Variants in KCNB2 observed in about 807,000 individuals in gnomAD.
KCNB2 encodes potassium voltage-gated channel subfamily B member 2, also known as delayed rectifier potassium channel protein.
A neutral mutation model predicts 61.5 loss-of-function variants in KCNB2; 15 were observed. The observed-to-expected ratio is 0.24, with a 90% CI of 0.16 to 0.38. KCNB2 has a LOEUF of 0.38. KCNB2 is among the 10% of genes least tolerant of loss of function. The pLI, the probability that KCNB2 is intolerant of heterozygous loss-of-function variation, is 1.00. For missense variants in KCNB2, 828 were observed against 1,125.2 expected, an observed-to-expected ratio of 0.74 and a Z score of 3.78; for synonymous variants, 457 against 446.0, an observed-to-expected ratio of 1.02 and a Z score of -0.31.
intron 2 of KCNB2, among the ~76,000 whole-genome samples, chr8:72,679,249 A>G (rs1459120629): frequency 6.6e-6 from 1 of 152,240 alleles, no homozygotes; most frequent in Non-Finnish European, 1.5e-5. Flanking sequence ...AGTAAACGCA[A>G]CATCCAACTT....
At chr8:72,539,204 T>C (rs1301109870) in intron 1 of KCNB2, among the ~76,000 whole-genome samples, 1 of 152,184 alleles carries the variant, frequency 6.6e-6, no homozygotes, top group African/African-American at 2.4e-5. Flanking sequence ...GTTTAGTAAT[T>C]TGGCACATTA....
intron 2 of KCNB2, among the ~76,000 whole-genome samples, chr8:72,584,662 A>G (rs1248976123): frequency 6.6e-6 from 1 of 152,188 alleles, no homozygotes; most frequent in East Asian, 1.9e-4. Context: ...GTATCAGGAA[A>G]ACCACAGCAA....
intron 2 of KCNB2, among the ~76,000 whole-genome samples, chr8:72,632,147 A>T (rs1805891585): frequency 6.6e-6 from 1 of 152,018 alleles, no homozygotes; most frequent in Non-Finnish European, 1.5e-5. Context: ...TTGAGAAGCT[A>T]AGGTGGGAGG....
intron 2 of KCNB2, among the ~76,000 whole-genome samples, chr8:72,933,104 T>C (rs1271541476): frequency 1.3e-5 from 2 of 152,228 alleles, no homozygotes; most frequent in African/African-American, 2.4e-5. Flanking sequence ...CTTAAGGGCT[T>C]GAATGATTAG....
At chr8:72,626,658 G>A (rs1453252840) in intron 2 of KCNB2, among the ~76,000 whole-genome samples, 1 of 152,198 alleles carries the variant, frequency 6.6e-6, no homozygotes, top group Non-Finnish European at 1.5e-5. Context: ...CTAAACCTTA[G>A]AAAGCCTAAG....
chr8:72,673,281 C>G (rs572374647), intron 2 of KCNB2, among the ~76,000 whole-genome samples: 1 of 152,092 alleles, frequency 6.6e-6, no homozygotes, highest in African/African-American at 2.4e-5. Flanking sequence ...TGGGAGGGAC[C>G]GGGTGGAGAT....
At chr8:72,562,734 T>G (rs550663963) in intron 1 of KCNB2, among the ~76,000 whole-genome samples, 2 of 152,342 alleles carry the variant, frequency 1.3e-5, no homozygotes, top group South Asian at 4.1e-4. Flanking sequence ...CATTTTATAT[T>G]ATACTTATAT....
intron 1 of KCNB2, among the ~76,000 whole-genome samples, chr8:72,548,175 A>G (rs1303829151): frequency 1.3e-5 from 2 of 152,212 alleles, no homozygotes; most frequent in African/African-American, 2.4e-5. Context: ...TTACCTTTAC[A>G]TGCACTGGGA....
At chr8:72,562,068 A>T (rs1030868887) in intron 1 of KCNB2, among the ~76,000 whole-genome samples, 4 of 151,952 alleles carry the variant, frequency 2.6e-5, no homozygotes, top group African/African-American at 4.8e-5. Context: ...GGAGTGATAC[A>T]GACTTAAAGG....
chr8:72,783,433 C>A (rs1479602455), intron 2 of KCNB2, among the ~76,000 whole-genome samples: 1 of 152,146 alleles, frequency 6.6e-6, no homozygotes, highest in Non-Finnish European at 1.5e-5. Context: ...ATCTCTCAGG[C>A]CCTTGAGTAT....
intron 2 of KCNB2, among the ~76,000 whole-genome samples, chr8:72,700,214 A>T (rs1253106307): frequency 6.6e-6 from 1 of 152,092 alleles, no homozygotes; most frequent in Non-Finnish European, 1.5e-5. Context: ...GGGCAAGGGG[A>T]GGGAGACCAT....
At chr8:72,636,728 A>G (rs772285313) in intron 2 of KCNB2, among the ~76,000 whole-genome samples, 6 of 152,172 alleles carry the variant, frequency 3.9e-5, no homozygotes, top group Non-Finnish European at 7.4e-5. Flanking sequence ...TTTTCTCTAC[A>G]TCAAGTCAAA....
chr8:72,804,432 A>T (rs1174238367), intron 2 of KCNB2, among the ~76,000 whole-genome samples: 1 of 152,206 alleles, frequency 6.6e-6, no homozygotes, highest in Non-Finnish European at 1.5e-5. Flanking sequence ...TGGAAATAGG[A>T]TCACAATGGG....
At chr8:72,702,103 C>A (rs1447066240) in intron 2 of KCNB2, among the ~76,000 whole-genome samples, 1 of 152,134 alleles carries the variant, frequency 6.6e-6, no homozygotes, top group African/African-American at 2.4e-5. Context: ...TCATCTTCAT[C>A]TCTGTCACTG....
chr8:72,908,120 T>C (rs1266576026), intron 2 of KCNB2, among the ~76,000 whole-genome samples: 2 of 152,194 alleles, frequency 1.3e-5, no homozygotes, highest in African/African-American at 4.8e-5. Flanking sequence ...TGCCTGATTC[T>C]TTCAGCAGAT....
In KCNB2 at chr8:72,616,571, C is replaced by T. The variant is rs1267542840; in HGVS notation, c.579+48258C>T. 2.0e-5 allele frequency among the ~76,000 whole-genome samples: 3 copies of T among 152,200 alleles called. No homozygotes were observed. In the East Asian group the frequency reaches 5.8e-4, roughly 29 times the overall value. ...TCAAACTACCCCATGCAAAGGAACC[C>T]CTTTCATCTCTATCACTTTATTTGG... is the stretch of plus-strand genomic sequence containing the variant. On this transcript the variant is annotated intron_variant, in intron 2 of 2. Coordinates refer to ENST00000523207, the MANE Select transcript of KCNB2 (RefSeq NM_004770.3).
chr8:72,575,705 C>T (rs1292902129), intron 2 of KCNB2, among the ~76,000 whole-genome samples: 1 of 151,984 alleles, frequency 6.6e-6, no homozygotes, highest in Non-Finnish European at 1.5e-5. Flanking sequence ...AGAGGCAGTC[C>T]ACTAGAAATA....
chr8:72,743,858 T>G (rs1197071490), intron 2 of KCNB2, among the ~76,000 whole-genome samples: 1 of 151,826 alleles, frequency 6.6e-6, no homozygotes, highest in East Asian at 1.9e-4. Flanking sequence ...TAGAAAAATA[T>G]GAGAAAATAA....
intron 2 of KCNB2, among the ~76,000 whole-genome samples, chr8:72,921,605 GA>G (rs1419463980): frequency 3.3e-5 from 5 of 152,232 alleles, no homozygotes; most frequent in Admixed American, 6.5e-5. Flanking sequence ...TAACATCAAA[GA>G]AATTTCTTGT....
Sources: gnomAD v4.1 joint callset for allele counts (sites outside exome capture counted in the v4.1 genomes callset) on GRCh38, gnomAD v4.1.1 for gene constraint, MANE v1.5 for transcripts, NCBI Gene and HGNC (gene_info 2026-07-23, HGNC 2026-07-21) for gene names.